HTT: variants seen among roughly 807,000 people sequenced by gnomAD.
The protein encoded by HTT is huntington disease protein.
Under a neutral mutation model 362.3 loss-of-function variants are expected in HTT, and 104 were observed. The ratio of observed to expected loss-of-function variants is 0.29; its 90% CI spans 0.24 to 0.34. The LOEUF (loss-of-function observed/expected upper bound fraction) is 0.34, where lower values mean the gene tolerates loss of function less well. Ranked by LOEUF, HTT falls within the 10% of genes least tolerant of loss-of-function variation. The pLI is 1.00. For synonymous variants in HTT, 1,577 were observed against 1,548.7 expected (o/e 1.02, Z -0.43); for missense variants, 3,301 against 3,928.6 (o/e 0.84, Z 4.27).
chr4:3,222,618 A>C, intron 54 of HTT, 131 bp downstream of exon 54: 1 of 668,990 alleles, frequency 1.5e-6, no homozygotes, highest in Non-Finnish European at 2.5e-6. Context: ...AGAGTAGCTG[A>C]ATGGTGTCTT....
intron 37 of HTT, among the ~76,000 whole-genome samples, chr4:3,185,565 G>T (rs1295675135): frequency 1.3e-5 from 2 of 152,216 alleles, no homozygotes; most frequent in African/African-American, 4.8e-5. Flanking sequence ...AGTAATGGTT[G>T]AACACACTGT....
chr4:3,081,693 G>T (rs1712918324), intron 1 of HTT, among the ~76,000 whole-genome samples: 1 of 151,536 alleles, frequency 6.6e-6, no homozygotes, highest in African/African-American at 2.4e-5. Context: ...TAGTAGCTGG[G>T]ATTACAGGCA....
intron 40 of HTT, among the ~76,000 whole-genome samples, chr4:3,189,658 T>G (rs1234745898): frequency 6.6e-6 from 1 of 152,132 alleles, no homozygotes; most frequent in Non-Finnish European, 1.5e-5. Context: ...AGAGAGTTAT[T>G]CTAGAAATGA....
intron 29 of HTT, among the ~76,000 whole-genome samples, chr4:3,163,433 G>A (rs1329813442): frequency 6.6e-6 from 1 of 152,108 alleles, no homozygotes; most frequent in East Asian, 1.9e-4. Flanking sequence ...GGATGATGCT[G>A]GCCTCATAAA....
rs1721795137 is a variant in HTT, at chr4:3,241,437, C to T, written c.*1378C>T. 1 of 152,390 alleles carries T rather than the reference C, an allele frequency of 6.6e-6. No homozygotes were observed. The highest frequency in any genetic ancestry group is 1.5e-5 in the Non-Finnish European group (1 of 68,108). The allele number at this position is 152,390 out of a possible 1,614,324, so 9.4% of individuals were successfully genotyped here. A position where few individuals can be genotyped will look rare whatever the true frequency, so the allele number is the denominator to read the frequency against. On this transcript the variant is annotated 3_prime_UTR_variant, in exon 67 of 67. Coordinates refer to ENST00000355072, the MANE Select transcript of HTT (RefSeq NM_001388492.1). ...CAAGTCATTAAAATGGAAGTGGATT[C>T]TGGATGGCCGGGCTGCTGCTGATGT...
chr4:3,083,354 A>G (rs1713014950), intron 1 of HTT, among the ~76,000 whole-genome samples: 1 of 152,100 alleles, frequency 6.6e-6, no homozygotes, highest in Non-Finnish European at 1.5e-5. Flanking sequence ...TAAGGTCTCT[A>G]CAAAAAACTT....
chr4:3,134,608 C>T (rs1715975554), intron 19 of HTT, 68 bp downstream of exon 19: 1 of 1,375,604 alleles, frequency 7.3e-7, no homozygotes, highest in South Asian at 1.3e-5. Context: ...TCACTTGATG[C>T]AAGGAATGAT....
At position 3,092,397 on chromosome 4, in the gene HTT, T is replaced by A. The variant is rs150011497; in HGVS notation, c.347+5375T>A. 1.1e-4 allele frequency among the ~76,000 whole-genome samples: 17 copies of A among 152,320 alleles called. No homozygotes were observed. The East Asian group carries it at 2.7e-3, about 24-fold the overall frequency. On this transcript the variant is annotated intron_variant, in intron 2 of 66. Transcript: ENST00000355072. The stretch of plus-strand genomic sequence containing the variant: ...TGTTTACTTTTTATTAAAAAAATTT[T>A]TTTTAGAGACAGGATCTTACTCTGT...
intron 33 of HTT, among the ~76,000 whole-genome samples, chr4:3,175,823 TATGTG>T (rs1348230016): frequency 6.6e-6 from 1 of 152,190 alleles, no homozygotes; most frequent in East Asian, 1.9e-4. Flanking sequence ...GCTACTTTCT[TATGTG>T]GGGTAGGAAT....
At position 3,173,130 on chromosome 4, in the gene HTT, G is replaced by A. The variant is rs775338972; in HGVS notation, c.4165G>A (p.Gly1389Arg). 1.9e-6 allele frequency: 3 copies of A among 1,612,858 alleles called. No homozygotes were observed. The highest frequency in any genetic ancestry group is 1.7e-6 in the Non-Finnish European group (2 of 1,179,240). ...GGCGGAGCAGGAGAACGACACCTCG[G>A]GGTAACAGTTGTGGCAAGAATGCTG... ...VQAEQENDTS[G>R]WFDVLQKVST... is the part of the protein sequence containing the mutation. The change falls in exon 31 of 67, where the codon GGA (glycine) becomes AGA (arginine). Residue 1389 changes from glycine to arginine, a missense_variant and splice_region_variant. Around this residue, in one of 4 missense-constraint regions of HTT, gnomAD observed 2,316 missense variants for 2,658.5 expected, o/e 0.87. Transcript: ENST00000355072.
intron 2 of HTT, among the ~76,000 whole-genome samples, chr4:3,090,456 C>T (rs1713440443): frequency 6.6e-6 from 1 of 152,184 alleles, no homozygotes; most frequent in African/African-American, 2.4e-5. Flanking sequence ...TGAGCAACCT[C>T]TTACTAATAT....
chr4:3,105,972 A>C (rs1025699915), intron 5 of HTT, among the ~76,000 whole-genome samples: 1 of 152,230 alleles, frequency 6.6e-6, no homozygotes, highest in African/African-American at 2.4e-5. Flanking sequence ...CTCCTTAACC[A>C]GCAATACATG....
At chr4:3,094,303 C>G (rs1266473193) in intron 2 of HTT, among the ~76,000 whole-genome samples, 1 of 152,174 alleles carries the variant, frequency 6.6e-6, no homozygotes, top group Non-Finnish European at 1.5e-5. Context: ...ATGGAGTGTC[C>G]TATGTCTACT....
At chr4:3,157,591 C>T (rs1040021014) in intron 28 of HTT, among the ~76,000 whole-genome samples, 1 of 152,162 alleles carries the variant, frequency 6.6e-6, no homozygotes, top group Admixed American at 6.5e-5. Context: ...CAATTCCAGA[C>T]TCACAGAAGA....
chr4:3,095,255 G>A (rs1362909698), intron 2 of HTT, among the ~76,000 whole-genome samples: 2 of 152,236 alleles, frequency 1.3e-5, no homozygotes, highest in Non-Finnish European at 2.9e-5. Flanking sequence ...CTGAGTGAGC[G>A]AGACTCCGTC....
intron 55 of HTT, 79 bp from the exon 56 acceptor site, chr4:3,223,913 G>A (rs902081786): frequency 1.7e-5 from 26 of 1,489,102 alleles, no homozygotes; most frequent in South Asian, 4.6e-5. Flanking sequence ...TAGGCAAAGC[G>A]GAGGGAAAGT....
At chr4:3,108,139 G>A (rs895833605) in intron 6 of HTT, among the ~76,000 whole-genome samples, 1 of 152,200 alleles carries the variant, frequency 6.6e-6, no homozygotes, top group Non-Finnish European at 1.5e-5. Flanking sequence ...CCCATATAGG[G>A]CAACTCTGAG....
At chr4:3,196,738 GAA>G (rs140945233) in intron 40 of HTT, among the ~76,000 whole-genome samples, 5 of 133,636 alleles carry the variant, frequency 3.7e-5, no homozygotes, top group Non-Finnish European at 6.5e-5. Context: ...GACCCTGTCT[GAA>G]AAAAAAAAAA....
At chr4:3,157,633 C>T (rs1340289944) in intron 28 of HTT, among the ~76,000 whole-genome samples, 1 of 152,164 alleles carries the variant, frequency 6.6e-6, no homozygotes, top group Non-Finnish European at 1.5e-5. Context: ...CCATGTGTTT[C>T]AAATAGTCTG....
Sources: allele counts gnomAD v4.1 joint callset (sites outside exome capture counted in the v4.1 genomes callset), GRCh38; gene constraint gnomAD v4.1.1; regional missense constraint gnomAD v4.1.1; transcripts MANE v1.5; gene names NCBI Gene and HGNC (gene_info 2026-07-23, HGNC 2026-07-21).